The following ALK variants were observed in gnomAD, a reference collection of about 807,000 sequenced individuals.
ALK encodes ALK receptor tyrosine kinase.
In ALK, 74 loss-of-function variants were observed where a neutral mutation model predicts 163.1. That is an observed-to-expected ratio of 0.45 (90% confidence interval 0.38 to 0.55). ALK has a LOEUF of 0.55. ALK is among the 20% of genes least tolerant of loss of function. The pLI is 0.00. For missense variants in ALK, 2,063 were observed against 2,105.3 expected, an observed-to-expected ratio of 0.98 and a Z score of 0.39; for synonymous variants, 960 against 843.2, an observed-to-expected ratio of 1.14 and a Z score of -2.40.
At chr2:29,885,482 A>G (rs989708989) in intron 1 of ALK, among the ~76,000 whole-genome samples, 3 of 152,150 alleles carry the variant, frequency 2.0e-5, no homozygotes, top group Non-Finnish European at 4.4e-5. Context: ...CCTGCTTGAG[A>G]AAACCATGCC....
chr2:29,817,714 T>C (rs1664936251), intron 1 of ALK, among the ~76,000 whole-genome samples: 1 of 152,160 alleles, frequency 6.6e-6, no homozygotes, highest in South Asian at 2.1e-4. Flanking sequence ...TACATACCAC[T>C]GTGTTTTGTC....
At chr2:29,674,360 AT>A (rs879869421) in intron 3 of ALK, among the ~76,000 whole-genome samples, 1,957 of 151,764 alleles carry the variant, frequency 0.013, 37 homozygotes, top group African/African-American at 0.044. Context: ...TCAATACCTA[AT>A]TTATTGGGAG....
chr2:29,605,762 T>C (rs1040440132), intron 3 of ALK, among the ~76,000 whole-genome samples: 5 of 152,310 alleles, frequency 3.3e-5, no homozygotes, highest in African/African-American at 7.2e-5. Flanking sequence ...CAGTATATGA[T>C]ACTTGGTTGG....
intron 1 of ALK, among the ~76,000 whole-genome samples, chr2:29,774,618 T>C (rs1291101100): frequency 1.3e-5 from 2 of 152,190 alleles, no homozygotes; most frequent in East Asian, 3.8e-4. Flanking sequence ...CTCACTCAGT[T>C]GTTTTGGCTT....
intron 1 of ALK, among the ~76,000 whole-genome samples, chr2:29,722,413 G>T (rs935297074): frequency 6.6e-6 from 1 of 152,114 alleles, no homozygotes; most frequent in East Asian, 1.9e-4. Flanking sequence ...TCAAAGAACC[G>T]ATTTTCAACT....
At chr2:29,565,520 C>G (rs1325946141) in intron 3 of ALK, among the ~76,000 whole-genome samples, 4 of 152,184 alleles carry the variant, frequency 2.6e-5, no homozygotes, top group African/African-American at 9.7e-5. Flanking sequence ...TCTCAGATAG[C>G]CACAGCAGCA....
intron 1 of ALK, among the ~76,000 whole-genome samples, chr2:29,725,154 C>CAAAAAAAA (rs757959526): frequency 0.13 from 8,145 of 64,932 alleles, 751 homozygotes; most frequent in African/African-American, 0.26. Context: ...TATCCTATAC[C>CAAAAAAAA]AAAAAAAAAA....
chr2:29,507,309 G>C (rs967550678), intron 4 of ALK, among the ~76,000 whole-genome samples: 1 of 152,164 alleles, frequency 6.6e-6, no homozygotes, highest in African/African-American at 2.4e-5. Flanking sequence ...ACATTTTTGA[G>C]GTACCTAGAG....
chr2:29,851,429 G>T lies in ALK; in HGVS notation c.667+68564C>A, dbSNP rs1169568679. ...TGCGCCAAGACCTTCCTCTGGGATG[G>T]TGTTCTGAATCTCGCATTCCCTTCC... is the stretch of plus-strand genomic sequence containing the variant. On this transcript the variant is annotated intron_variant, in intron 1 of 28. Transcript: ENST00000389048. 3.1e-4 allele frequency among the ~76,000 whole-genome samples: 47 copies of T among 152,172 alleles called. 1 individual carries two copies. Among genetic ancestry groups the T allele is most frequent in the Admixed American group, 2.9e-3 (45 of 15,280 alleles).
intron 4 of ALK, among the ~76,000 whole-genome samples, chr2:29,476,074 G>A (rs1039081635): frequency 6.6e-6 from 1 of 152,172 alleles, no homozygotes; most frequent in African/African-American, 2.4e-5. Flanking sequence ...GAGTGGTCAG[G>A]AGACTCCCTC....
At chr2:29,889,731 G>C (rs898461475) in intron 1 of ALK, among the ~76,000 whole-genome samples, 1 of 146,044 alleles carries the variant, frequency 6.8e-6, no homozygotes, top group Non-Finnish European at 1.5e-5. Context: ...GAGAGAGAGA[G>C]AGAGAGAGAG....
At chr2:29,909,161 G>A (rs1364184240) in intron 1 of ALK, among the ~76,000 whole-genome samples, 1 of 152,164 alleles carries the variant, frequency 6.6e-6, no homozygotes, top group Admixed American at 6.5e-5. Flanking sequence ...AGCACTGCAT[G>A]ATCCTTCCTA....
chr2:29,273,626 C>A (rs1379411642), intron 11 of ALK, among the ~76,000 whole-genome samples: 1 of 152,090 alleles, frequency 6.6e-6, no homozygotes, highest in South Asian at 2.1e-4. Flanking sequence ...GATCCAAGCT[C>A]AGGCATCCAG....
At chr2:29,587,775 T>C (rs972482214) in intron 3 of ALK, among the ~76,000 whole-genome samples, 4 of 152,202 alleles carry the variant, frequency 2.6e-5, no homozygotes, top group Admixed American at 2.6e-4. Context: ...GTATTCAATA[T>C]TTTATGAGCT....
chr2:29,680,225 C>A (rs997626853), intron 3 of ALK, among the ~76,000 whole-genome samples: 3 of 151,776 alleles, frequency 2.0e-5, no homozygotes, highest in Non-Finnish European at 2.9e-5. Context: ...ATTTTTTTCA[C>A]CAAATTTGGC....
chr2:29,888,195 T>C (rs1416284983), intron 1 of ALK, among the ~76,000 whole-genome samples: 2 of 151,892 alleles, frequency 1.3e-5, no homozygotes, highest in Non-Finnish European at 2.9e-5. Context: ...TGGCTGTTCC[T>C]AGCTGTGGAG....
intron 24 of ALK, among the ~76,000 whole-genome samples, chr2:29,212,951 C>T (rs971899516): frequency 7.2e-5 from 11 of 152,300 alleles, no homozygotes; most frequent in Admixed American, 2.0e-4. Flanking sequence ...GTGATTCTCC[C>T]GCCTCAGCCT....
rs1346365547 is a variant in ALK, at chr2:29,239,697, C to T, written c.2338G>A (p.Glu780Lys). ...MLYILVGQQG[E>K]DACPSTNQLI... The stretch of plus-strand genomic sequence containing the variant: ...GCACTTACACTGGGGCAGGCGTCCT[C>T]TCCCTGCTGCCCAACCAGGATGTAC... Residue 780 changes from glutamate (E) to lysine (K), a missense_variant, in exon 13 of 29, where the codon GAG becomes AAG. Around this residue, in one of 5 missense-constraint regions of ALK, gnomAD observed 575 missense variants for 626.6 expected, o/e 0.92. Coordinates refer to ENST00000389048, the MANE Select transcript of ALK (RefSeq NM_004304.5). 1 of 1,613,886 alleles carries T rather than the reference C, an allele frequency of 6.2e-7. No homozygotes were observed. Among genetic ancestry groups the T allele is most frequent in the African/African-American group, 1.3e-5 (1 of 74,928 alleles).
intron 1 of ALK, among the ~76,000 whole-genome samples, chr2:29,901,114 A>G (rs958916696): frequency 6.6e-6 from 1 of 152,172 alleles, no homozygotes; most frequent in East Asian, 1.9e-4. Context: ...CCTAAGATCA[A>G]ATCCCAGTTC....
Sources: allele counts gnomAD v4.1 joint callset (sites outside exome capture counted in the v4.1 genomes callset), GRCh38; gene constraint gnomAD v4.1.1; regional missense constraint gnomAD v4.1.1; transcripts MANE v1.5; gene names NCBI Gene and HGNC (gene_info 2026-07-23, HGNC 2026-07-21).